The following HPSE variants were observed in gnomAD, a reference collection of about 807,000 sequenced individuals.
HPSE encodes heparanase.
Under a neutral mutation model 65.1 loss-of-function variants are expected in HPSE, and 48 were observed. The ratio of observed to expected loss-of-function variants is 0.74; its 90% CI spans 0.58 to 0.94. The LOEUF is 0.94. Ranked by LOEUF, HPSE falls within the 40% of genes least tolerant of loss-of-function variation. The pLI is 0.00. For synonymous variants in HPSE, 243 were observed against 260.0 expected (o/e 0.93, Z 0.63); for missense variants, 644 against 637.5 (o/e 1.01, Z -0.11).
At chr4:83,327,515 C>T (rs1180334379) in intron 1 of HPSE, among the ~76,000 whole-genome samples, 4 of 152,200 alleles carry the variant, frequency 2.6e-5, no homozygotes, top group Non-Finnish European at 4.4e-5. Flanking sequence ...GAAAAATAAT[C>T]CCACCACCAC....
chr4:83,315,852 C>A (rs1054151869), intron 3 of HPSE, among the ~76,000 whole-genome samples: 2 of 152,138 alleles, frequency 1.3e-5, no homozygotes, highest in African/African-American at 4.8e-5. Flanking sequence ...TTCAAAAAAC[C>A]TGGAATGCTT....
At position 83,311,954 on chromosome 4, in the gene HPSE, T is replaced by C. The variant is rs1381805908; in HGVS notation, c.674-1064A>G. Among the ~76,000 whole-genome samples, 4 of 152,292 alleles carry C rather than the reference T, an allele frequency of 2.6e-5. No individual in the cohort carries two copies. In the East Asian group the frequency reaches 7.7e-4, roughly 29 times the overall value. On this transcript the variant is annotated intron_variant, in intron 4 of 11. Coordinates refer to ENST00000311412, the MANE Select transcript of HPSE (RefSeq NM_001098540.3). Reference sequence around the variant, plus strand: ...AATACTTATAGTTAAAATTTACAAGTTCTTTGCAAAAAAAGAGTGAAGAAG... The same window carrying C: ...AATACTTATAGTTAAAATTTACAAGCTCTTTGCAAAAAAAGAGTGAAGAAG...
At chr4:83,332,443 C>T (rs937960063) in intron 1 of HPSE, among the ~76,000 whole-genome samples, 18 of 152,174 alleles carry the variant, frequency 1.2e-4, no homozygotes, top group Non-Finnish European at 1.9e-4. Context: ...CCAAGCGAAG[C>T]GGGCTGGAAC....
rs755661805 is a variant in HPSE, at chr4:83,309,440, A to G, written c.946T>C (p.Leu316=). The part of the protein sequence containing the change: ...TKEDFLNPDV[L]DIFISSVQKV... ...TGCACAGATGAAATAAAAATGTCCA[A>G]TACATCAGGGTTTAGAAAATCTTCC... Residue 316 remains leucine, a synonymous_variant, in exon 7 of 12, where the codon TTG becomes CTG. Transcript: ENST00000311412. The G allele has an allele frequency of 8.8e-6, 14 of 1,593,568 alleles. No homozygotes were observed. Among genetic ancestry groups the G allele is most frequent in the African/African-American group, 2.7e-5 (2 of 74,110 alleles).
At position 83,310,218 on chromosome 4, in the gene HPSE, A is replaced by T; in HGVS notation, c.843-140T>A. On this transcript the variant is annotated intron_variant, in intron 5 of 11. Coordinates refer to ENST00000311412, the MANE Select transcript of HPSE (RefSeq NM_001098540.3). ...CACAAACTTCCTAATTTTGATAGCAAATTTTATCATAGGTGACATTTGCCT... is the reference window on the plus strand; with the variant it reads ...CACAAACTTCCTAATTTTGATAGCATATTTTATCATAGGTGACATTTGCCT... 3 of 596,262 alleles carry T rather than the reference A, an allele frequency of 5.0e-6. No homozygotes were observed. In the Admixed American group the frequency reaches 9.0e-5, roughly 18 times the overall value. 36.9% of individuals were successfully genotyped at this position (596,262 alleles called of 1,614,324 possible).
rs759247069 is a variant in HPSE at position 83,310,720 on chromosome 4, A to G, written c.842+2T>C. 14 of 1,609,140 alleles carry G rather than the reference A, an allele frequency of 8.7e-6. No individual in the cohort carries two copies. The highest frequency in any genetic ancestry group is 1.1e-5 in the South Asian group (1 of 90,500). On this transcript the variant is annotated splice_donor_variant, in intron 5 of 11. Transcript: ENST00000311412. LOFTEE classifies it high-confidence loss of function. ...AGTGATTCTGCATCCTCTAGTTCCT[A>G]CCTCTTCAGCATCTTAGCCGTCTTT...
rs762412371 is a variant in HPSE at position 83,309,508 on chromosome 4, GA to G, written c.891-14del. The G allele has an allele frequency of 4.6e-6, 6 of 1,316,700 alleles. No homozygotes were observed. The highest frequency in any genetic ancestry group is 6.5e-6 in the Non-Finnish European group (6 of 926,698). 81.6% of individuals were successfully genotyped at this position (1,316,700 alleles called of 1,614,324 possible). A position where few individuals can be genotyped will look rare whatever the true frequency, so the allele number is the denominator to read the frequency against. On this transcript the variant is annotated splice_polypyrimidine_tract_variant and intron_variant, in intron 6 of 11. Coordinates refer to ENST00000311412, the MANE Select transcript of HPSE (RefSeq NM_001098540.3). ...ATTCAAATAGTAGCTAAATTACACAGAAAATATTCAGAAAAAAAATAACAAA... is the reference window on the plus strand; with the variant it reads ...ATTCAAATAGTAGCTAAATTACACAGAAATATTCAGAAAAAAAATAACAAA...
rs554123162 is a variant in HPSE, at chr4:83,293,076, G to A, written c.*2268C>T. ...TTTGAAGAATATTAATCCTTAAGAGGGGAAAATAATTACATTTTTTCACTG... is the reference window on the plus strand; with the variant it reads ...TTTGAAGAATATTAATCCTTAAGAGAGGAAAATAATTACATTTTTTCACTG... On this transcript the variant is annotated 3_prime_UTR_variant, in exon 12 of 12. Transcript: ENST00000311412. The A allele has an allele frequency of 3.9e-5, 6 of 152,166 alleles. No homozygotes were observed. The highest frequency in any genetic ancestry group is 8.8e-5 in the Non-Finnish European group (6 of 68,000). The allele number at this position is 152,166 out of a possible 1,614,324, so 9.4% of individuals were successfully genotyped here.
At chr4:83,331,982 G>A (rs912805830) in intron 1 of HPSE, among the ~76,000 whole-genome samples, 3 of 152,082 alleles carry the variant, frequency 2.0e-5, no homozygotes, top group African/African-American at 7.2e-5. Flanking sequence ...TTAAAATGGG[G>A]GTGACAAAAC....
intron 1 of HPSE, among the ~76,000 whole-genome samples, chr4:83,330,668 C>T (rs954651218): frequency 6.6e-6 from 1 of 152,152 alleles, no homozygotes; most frequent in Non-Finnish European, 1.5e-5. Flanking sequence ...AATGGATGAA[C>T]TTTGCTGAAG....
rs1274885456 is a variant in HPSE at position 83,322,833 on chromosome 4, GTGTGTT to G, written c.228-475_228-470del. Among the ~76,000 whole-genome samples the G allele has an allele frequency of 9.2e-4, 133 of 144,422 alleles. 1 individual carries two copies. Among genetic ancestry groups the G allele is most frequent in the African/African-American group, 3.3e-3 (121 of 36,660 alleles). 94.7% of individuals were successfully genotyped at this position (144,422 alleles called of 152,430 possible). A position where few individuals can be genotyped will look rare whatever the true frequency, so the allele number is the denominator to read the frequency against. On this transcript the variant is annotated intron_variant, in intron 1 of 11. Coordinates refer to ENST00000311412, the MANE Select transcript of HPSE (RefSeq NM_001098540.3). Reference sequence around the variant, plus strand: ...TGTGTGTGTGTGTGTGTGTGTGTGTGTGTGTTTGTGTGTGGAGGGATGGGGTCTTGC... The same window carrying G: ...TGTGTGTGTGTGTGTGTGTGTGTGTGTGTGTGTGGAGGGATGGGGTCTTGC...
At chr4:83,299,377 A>G (rs1465632510) in intron 11 of HPSE, among the ~76,000 whole-genome samples, 1 of 148,480 alleles carries the variant, frequency 6.7e-6, no homozygotes, top group South Asian at 2.1e-4. Context: ...AAAAAAAAAA[A>G]AAAAAAAAAA....
At chr4:83,327,293 T>C (rs1034473760) in intron 1 of HPSE, among the ~76,000 whole-genome samples, 2 of 152,218 alleles carry the variant, frequency 1.3e-5, no homozygotes, top group Non-Finnish European at 2.9e-5. Context: ...GTTTACCACT[T>C]GGACACTGCC....
At chr4:83,330,857 G>A (rs928028263) in intron 1 of HPSE, among the ~76,000 whole-genome samples, 15 of 152,158 alleles carry the variant, frequency 9.9e-5, no homozygotes, top group African/African-American at 3.4e-4. Flanking sequence ...ATGCAGATCT[G>A]TACTGTCCAC....
At chr4:83,296,964 T>C (rs918426577) in intron 11 of HPSE, among the ~76,000 whole-genome samples, 1 of 152,232 alleles carries the variant, frequency 6.6e-6, no homozygotes, top group African/African-American at 2.4e-5. Context: ...TGGTCCACCA[T>C]GGACCGCATA....
chr4:83,302,353 T>C, intron 9 of HPSE, 85 bp from the exon 10 acceptor site: 1 of 823,850 alleles, frequency 1.2e-6, no homozygotes, highest in Non-Finnish European at 2.0e-6. Flanking sequence ...AAGCAAATAG[T>C]TATCCTACAA....
rs764831973 is a variant in HPSE at position 83,301,051 on chromosome 4, T to C, written c.1381A>G (p.Thr461Ala). Residue 461 changes from threonine to alanine, a missense_variant, in exon 11 of 12, where the codon ACC becomes GCC. Transcript: ENST00000311412. ...GGATAGGGTAACCGCAAGTACTTGG[T>C]GACATTATGGAGGTTTATGGCATAC... ...TLYAINLHNV[T>A]KYLRLPYPFS... 37 of 1,608,482 alleles carry C rather than the reference T, an allele frequency of 2.3e-5. No individual in the cohort carries two copies. In the South Asian group the frequency reaches 4.1e-4, roughly 18 times the overall value.
At chr4:83,313,442 T>A (rs571446463) in intron 3 of HPSE, among the ~76,000 whole-genome samples, 155 bp from the exon 4 acceptor site, 1 of 152,298 alleles carries the variant, frequency 6.6e-6, no homozygotes, top group East Asian at 1.9e-4. Flanking sequence ...ACAACAAAAT[T>A]GGACAAATTA....
At chr4:83,310,575 G>A (rs552779301) in intron 5 of HPSE, 147 bp downstream of exon 5, 1 of 723,656 alleles carries the variant, frequency 1.4e-6, no homozygotes, top group Non-Finnish European at 2.3e-6. Flanking sequence ...GTGGGACTGA[G>A]ATGGGAGGAT....
Sources: gnomAD v4.1 joint callset for allele counts (sites outside exome capture counted in the v4.1 genomes callset) on GRCh38, gnomAD v4.1.1 for gene constraint, MANE v1.5 for transcripts, NCBI Gene and HGNC (gene_info 2026-07-23, HGNC 2026-07-21) for gene names.